Variants in ZHX3 observed in about 807,000 individuals in gnomAD.
The protein encoded by ZHX3 is zinc fingers and homeoboxes 3.
Under a neutral mutation model 64.5 loss-of-function variants are expected in ZHX3, and 20 were observed. The observed-to-expected ratio is 0.31, with a 90% CI of 0.22 to 0.45. ZHX3 has a LOEUF of 0.45. Ranked by LOEUF, ZHX3 falls within the 20% of genes least tolerant of loss-of-function variation. ZHX3 has a pLI of 1.00. For synonymous variants in ZHX3, 423 were observed against 461.6 expected (o/e 0.92, Z 1.07); for missense variants, 1,041 against 1,195.8 (o/e 0.87, Z 1.91).
rs1370886047 is a variant in ZHX3 at position 41,203,555 on chromosome 20, T to C, written c.1362A>G (p.Pro454=). The change falls in exon 3 of 4, where the codon CCA becomes CCG. Residue 454 remains proline, a synonymous_variant. Transcript: ENST00000683867. The surrounding 1 kb of genome is among the most constrained non-coding windows in gnomAD (Gnocchi z 7.1). ...ACACAGTGTTAATGGGTGCCACACCTGGCTGCTTGGGGACGGATGTCACCG... is the reference window on the plus strand; with the variant it reads ...ACACAGTGTTAATGGGTGCCACACCCGGCTGCTTGGGGACGGATGTCACCG... ...PLTVTSVPKQ[P]GVAPINTVCS... 5 of 1,614,196 alleles carry C rather than the reference T, an allele frequency of 3.1e-6. No homozygotes were observed. Among genetic ancestry groups the C allele is most frequent in the East Asian group, 2.2e-5 (1 of 44,886 alleles).
At position 41,269,093 on chromosome 20, in the gene ZHX3, A is replaced by C. The variant is rs573779313; in HGVS notation, c.-244-10T>G. 15 of 152,316 alleles carry C rather than the reference A, an allele frequency of 9.8e-5. No individual in the cohort carries two copies. The highest frequency in any genetic ancestry group is 3.9e-4 in the East Asian group (2 of 5,184). 9.4% of individuals were successfully genotyped at this position (152,316 alleles called of 1,614,324 possible). A position where few individuals can be genotyped will look rare whatever the true frequency, so the allele number is the denominator to read the frequency against. The stretch of plus-strand genomic sequence containing the variant: ...CAGTTGCATTTCAGTCCTATAAAAG[A>C]AGCAGCACATCATCACTTTATGAGA... On this transcript the variant is annotated splice_polypyrimidine_tract_variant and intron_variant, in intron 1 of 3. Coordinates refer to ENST00000683867, the MANE Select transcript of ZHX3 (RefSeq NM_001384317.1).
intron 2 of ZHX3, among the ~76,000 whole-genome samples, chr20:41,252,628 C>G (rs2042046223): frequency 6.6e-6 from 1 of 152,148 alleles, no homozygotes; most frequent in Non-Finnish European, 1.5e-5. Context: ...AGCCTTCCTA[C>G]CATATAACAT....
At chr20:41,304,052 A>G (rs2146818707) in intron 1 of ZHX3, among the ~76,000 whole-genome samples, 1 of 152,244 alleles carries the variant, frequency 6.6e-6, no homozygotes, top group African/African-American at 2.4e-5. Flanking sequence ...ATGGCACTTA[A>G]CACTGCTGTA....
intron 1 of ZHX3, among the ~76,000 whole-genome samples, chr20:41,297,021 C>T (rs1363074040): frequency 6.6e-6 from 1 of 152,168 alleles, no homozygotes; most frequent in African/African-American, 2.4e-5. Context: ...TTCTCTACAT[C>T]CTGCCCATAC....
At chr20:41,291,925 C>A (rs1318570549) in intron 1 of ZHX3, among the ~76,000 whole-genome samples, 1 of 149,808 alleles carries the variant, frequency 6.7e-6, no homozygotes, top group African/African-American at 2.5e-5. Context: ...CACCTGTAAT[C>A]CCAGCTATTT....
rs115415922 is a variant in ZHX3 at position 41,262,461 on chromosome 20, C to T, written c.-151+6529G>A. On this transcript the variant is annotated intron_variant, in intron 2 of 3. Coordinates refer to ENST00000683867, the MANE Select transcript of ZHX3 (RefSeq NM_001384317.1). The stretch of plus-strand genomic sequence containing the variant: ...CAGACTTTTGCCCTCTCACTTTATC[C>T]TCTTTCTCACAAAGCCCTGCTGGTA... Among the ~76,000 whole-genome samples, 478 of 152,284 alleles carry T rather than the reference C, an allele frequency of 3.1e-3. 1 individual carries two copies. The highest frequency in any genetic ancestry group is 0.011 in the African/African-American group (437 of 41,554).
chr20:41,223,101 A>T (rs1406376309), intron 2 of ZHX3, among the ~76,000 whole-genome samples: 3 of 152,204 alleles, frequency 2.0e-5, no homozygotes, highest in South Asian at 2.1e-4. Context: ...AATACAAATT[A>T]AAATTACTCT....
chr20:41,305,935 ATTT>A (rs1022722302), intron 1 of ZHX3, among the ~76,000 whole-genome samples: 2 of 152,092 alleles, frequency 1.3e-5, no homozygotes, highest in Non-Finnish European at 2.9e-5. Flanking sequence ...TATTGTTCTG[ATTT>A]TTGTACTATA....
At chr20:41,290,025 T>C (rs2044149253) in intron 1 of ZHX3, among the ~76,000 whole-genome samples, 1 of 152,224 alleles carries the variant, frequency 6.6e-6, no homozygotes, top group Non-Finnish European at 1.5e-5. Flanking sequence ...AAAGCATTCA[T>C]GTTTGACAAA....
At chr20:41,247,254 G>A (rs1171863318) in intron 2 of ZHX3, among the ~76,000 whole-genome samples, 2 of 152,150 alleles carry the variant, frequency 1.3e-5, no homozygotes, top group Admixed American at 6.5e-5. Flanking sequence ...GGTGACAGAG[G>A]GAGAACCTGT....
At chr20:41,218,923 GT>G (rs888061526) in intron 2 of ZHX3, among the ~76,000 whole-genome samples, 128 of 92,572 alleles carry the variant, frequency 1.4e-3, no homozygotes, top group South Asian at 3.5e-3. Flanking sequence ...AAACAGTGCT[GT>G]TTTTTTTTTT....
At chr20:41,199,387 G>A (rs911489856) in intron 3 of ZHX3, among the ~76,000 whole-genome samples, 1 of 152,104 alleles carries the variant, frequency 6.6e-6, no homozygotes, top group Non-Finnish European at 1.5e-5. Context: ...CTCAGAGATT[G>A]CTGATTTTTG....
chr20:41,306,071 G>A (rs1463071546), intron 1 of ZHX3, among the ~76,000 whole-genome samples: 2 of 152,008 alleles, frequency 1.3e-5, no homozygotes, highest in East Asian at 1.9e-4. Flanking sequence ...TTAAATCTAC[G>A]ACTTTAAAGA....
chr20:41,205,108 C>A, intron 2 of ZHX3, 42 bp from the exon 3 acceptor site: 1 of 974,860 alleles, frequency 1.0e-6, no homozygotes, highest in Non-Finnish European at 1.4e-6. Flanking sequence ...CTCTTAAGTG[C>A]TTTCTGTATA....
At position 41,181,985 on chromosome 20, in the gene ZHX3, A is replaced by G. The variant is rs541358601; in HGVS notation, c.*3206T>C. On this transcript the variant is annotated 3_prime_UTR_variant, in exon 4 of 4. Transcript: ENST00000683867. ...CCAAACCCCAAGGCCCTGGCAAGCC[A>G]TCCAACTAGGGCGTTCTTTTTCAGG... is the stretch of plus-strand genomic sequence containing the variant. The G allele has an allele frequency of 6.6e-6, 1 of 152,348 alleles. No individual in the cohort carries two copies. The highest frequency in any genetic ancestry group is 6.5e-5 in the Admixed American group (1 of 15,302). The allele number at this position is 152,348 out of a possible 1,614,324, so 9.4% of individuals were successfully genotyped here.
intron 1 of ZHX3, among the ~76,000 whole-genome samples, chr20:41,279,246 T>C (rs1281558468): frequency 2.0e-5 from 3 of 152,196 alleles, no homozygotes; most frequent in East Asian, 1.9e-4. Context: ...ACAAGAAGTA[T>C]ATAAGAATGT....
At chr20:41,207,686 T>A (rs1600777967) in intron 2 of ZHX3, among the ~76,000 whole-genome samples, 1 of 152,226 alleles carries the variant, frequency 6.6e-6, no homozygotes, top group East Asian at 1.9e-4. Flanking sequence ...CTGGGACACA[T>A]TTAAAGCAGT....
intron 2 of ZHX3, among the ~76,000 whole-genome samples, chr20:41,215,825 G>A (rs1568840045): frequency 1.3e-5 from 2 of 149,720 alleles, no homozygotes; most frequent in African/African-American, 2.4e-5. Flanking sequence ...TATGGCGGGC[G>A]CCTGTAGTCC....
At chr20:41,249,752 G>A (rs1469682077) in intron 2 of ZHX3, among the ~76,000 whole-genome samples, 1 of 152,172 alleles carries the variant, frequency 6.6e-6, no homozygotes, top group African/African-American at 2.4e-5. Context: ...CTCCTTGTAA[G>A]CACAACTGTA....
Sources: gnomAD v4.1 joint callset for allele counts (sites outside exome capture counted in the v4.1 genomes callset) on GRCh38, gnomAD v4.1.1 for gene constraint, Gnocchi (gnomAD v3.1) non-coding constraint, MANE v1.5 for transcripts, NCBI Gene and HGNC (gene_info 2026-07-23, HGNC 2026-07-21) for gene names.